Variants in CNNM2 observed in about 807,000 individuals in gnomAD.
The protein encoded by CNNM2 is metal transporter CNNM2.
In CNNM2, 12 loss-of-function variants were observed where a neutral mutation model predicts 66.9. That is an observed-to-expected ratio of 0.18 (90% confidence interval 0.11 to 0.29). The LOEUF (loss-of-function observed/expected upper bound fraction) is 0.29. Ranked by LOEUF, CNNM2 falls within the 10% of genes least tolerant of loss-of-function variation. CNNM2 has a pLI of 1.00. For missense variants in CNNM2, 705 were observed against 1,167.7 expected (o/e 0.60, Z 5.77); for synonymous variants, 557 against 501.8 (o/e 1.11, Z -1.47).
intron 1 of CNNM2, among the ~76,000 whole-genome samples, chr10:103,005,094 T>C (rs941925834): frequency 8.5e-5 from 13 of 152,142 alleles, no homozygotes; most frequent in African/African-American, 3.1e-4. Flanking sequence ...TTTGTATTTT[T>C]AGTAGAGACG....
intron 1 of CNNM2, among the ~76,000 whole-genome samples, chr10:102,938,905 C>T (rs1248181063): frequency 1.3e-5 from 2 of 152,036 alleles, no homozygotes; most frequent in Non-Finnish European, 2.9e-5. Flanking sequence ...TATGAATGGA[C>T]AGCGATAGAT....
At chr10:102,999,133 C>G (rs535534800) in intron 1 of CNNM2, among the ~76,000 whole-genome samples, 2 of 150,936 alleles carry the variant, frequency 1.3e-5, no homozygotes, top group African/African-American at 4.9e-5. Context: ...TGTAGTGGCG[C>G]GATCTTGGCT....
intron 1 of CNNM2, among the ~76,000 whole-genome samples, chr10:102,944,580 TC>T (rs1208011578): frequency 1.2e-5 from 1 of 83,648 alleles, no homozygotes; most frequent in East Asian, 4.7e-4. Flanking sequence ...TTGTATCTTT[TC>T]GTGTGTGTGT....
chr10:103,046,512 T>G (rs2065129474), intron 1 of CNNM2, among the ~76,000 whole-genome samples: 1 of 152,212 alleles, frequency 6.6e-6, no homozygotes, highest in Non-Finnish European at 1.5e-5. Context: ...TAAAAATGAT[T>G]GAGGATCCTT....
At chr10:102,924,110 C>A (rs1741361832) in intron 1 of CNNM2, among the ~76,000 whole-genome samples, 1 of 152,130 alleles carries the variant, frequency 6.6e-6, no homozygotes, top group Non-Finnish European at 1.5e-5. Context: ...AGAATAAATT[C>A]AGTAAATACC....
intron 1 of CNNM2, among the ~76,000 whole-genome samples, chr10:102,943,239 A>C (rs1454469502): frequency 1.3e-5 from 2 of 151,818 alleles, no homozygotes; most frequent in African/African-American, 4.8e-5. Flanking sequence ...AAACAAACAA[A>C]AACCAAAAAA....
rs2065303534 is a variant in CNNM2, at chr10:103,056,779, G to A, written c.1904-16G>A. 1 of 1,611,414 alleles carries A rather than the reference G, an allele frequency of 6.2e-7. No individual in the cohort carries two copies. The highest frequency in any genetic ancestry group is 8.5e-7 in the Non-Finnish European group (1 of 1,177,800). On this transcript the variant is annotated splice_polypyrimidine_tract_variant and intron_variant, in intron 3 of 7. Transcript: ENST00000369878. Reference sequence around the variant, plus strand: ...TCTGTTTGAAATGTAATATCAAGTTGTGTTTATATCTATAGAAGTAGAAGC... The same window carrying A: ...TCTGTTTGAAATGTAATATCAAGTTATGTTTATATCTATAGAAGTAGAAGC...
intron 1 of CNNM2, among the ~76,000 whole-genome samples, chr10:102,922,672 G>A (rs1030172083): frequency 6.6e-6 from 1 of 152,148 alleles, no homozygotes; most frequent in East Asian, 1.9e-4. Flanking sequence ...TAGGCATGGT[G>A]GCTCATGCCC....
intron 1 of CNNM2, among the ~76,000 whole-genome samples, chr10:102,928,986 G>A (rs925412895): frequency 3.9e-5 from 6 of 152,106 alleles, no homozygotes; most frequent in South Asian, 2.1e-4. Flanking sequence ...CTCGCTGGGC[G>A]TGGTGGCTCA....
Position 103,077,356 on chromosome 10 carries a change from T to C in CNNM2, c.*176T>C. ...GCGGAGGAGGACAGTGAGGGAGGAA[T>C]GGAAACGAGAGATGTGAAGTTGGCA... is the stretch of plus-strand genomic sequence containing the variant. On this transcript the variant is annotated 3_prime_UTR_variant, in exon 8 of 8. Transcript: ENST00000369878. The C allele has an allele frequency of 1.7e-6, 1 of 587,306 alleles. No individual in the cohort carries two copies. Among genetic ancestry groups the C allele is most frequent in the Non-Finnish European group, 3.0e-6 (1 of 338,666 alleles). 36.4% of individuals were successfully genotyped at this position (587,306 alleles called of 1,614,324 possible).
Position 103,083,727 on chromosome 10 carries a change from T to G in CNNM2, c.*6547T>G, listed in dbSNP as rs2065777865. On this transcript the variant is annotated 3_prime_UTR_variant, in exon 8 of 8. Coordinates refer to ENST00000369878, the MANE Select transcript of CNNM2 (RefSeq NM_017649.5). ...TATCCAGTCAAATTGCCCCAGACAT[T>G]GGCTGCTCAGTCACTAATAACAACA... 1 of 152,202 alleles carries G rather than the reference T, an allele frequency of 6.6e-6. No homozygotes were observed. The highest frequency in any genetic ancestry group is 1.5e-5 in the Non-Finnish European group (1 of 68,044). 9.4% of individuals were successfully genotyped at this position (152,202 alleles called of 1,614,324 possible).
At position 103,083,088 on chromosome 10, in the gene CNNM2, G is replaced by A. The variant is rs1412611335; in HGVS notation, c.*5908G>A. The A allele has an allele frequency of 2.0e-5, 3 of 152,138 alleles. No individual in the cohort carries two copies. Among genetic ancestry groups the A allele is most frequent in the East Asian group, 3.8e-4 (2 of 5,202 alleles). The allele number at this position is 152,138 out of a possible 1,614,324, so 9.4% of individuals were successfully genotyped here. On this transcript the variant is annotated 3_prime_UTR_variant, in exon 8 of 8. Transcript: ENST00000369878. Reference sequence around the variant, plus strand: ...TGGCCCTCAAGTAAGACCCTGCTTTGTGTCTGACTTTGATCCTCCTCAGCC... The same window carrying A: ...TGGCCCTCAAGTAAGACCCTGCTTTATGTCTGACTTTGATCCTCCTCAGCC...
chr10:103,045,172 T>A (rs960919325), intron 1 of CNNM2, among the ~76,000 whole-genome samples: 1 of 152,214 alleles, frequency 6.6e-6, no homozygotes, highest in African/African-American at 2.4e-5. Flanking sequence ...AAAGCAGATG[T>A]GAGAAACCTA....
In CNNM2 at chr10:103,085,445, G is replaced by C. The variant is rs990618819; in HGVS notation, c.*8265G>C. The C allele has an allele frequency of 1.3e-5, 2 of 152,212 alleles. No homozygotes were observed. Among genetic ancestry groups the C allele is most frequent in the Non-Finnish European group, 2.9e-5 (2 of 68,042 alleles). 9.4% of individuals were successfully genotyped at this position (152,212 alleles called of 1,614,324 possible). ...CAAGTATCTCAAGAACTTGTGAGAC[G>C]TGGAAGGACTATTGCTGCCTTTCGT... On this transcript the variant is annotated 3_prime_UTR_variant, in exon 8 of 8. Transcript: ENST00000369878.
At chr10:102,935,338 T>C (rs994046298) in intron 1 of CNNM2, among the ~76,000 whole-genome samples, 2 of 151,858 alleles carry the variant, frequency 1.3e-5, no homozygotes, top group African/African-American at 4.8e-5. Context: ...GGTGCACACC[T>C]GTGGTCTTAG....
rs536828534 is a variant in CNNM2 at position 102,946,536 on chromosome 10, T to G, written c.1621+26435T>G. Among the ~76,000 whole-genome samples the G allele has an allele frequency of 1.4e-4, 21 of 152,308 alleles. No homozygotes were observed. The South Asian group carries it at 3.9e-3, about 29-fold the overall frequency. ...ATCATGCAGGACTTTTTTAAAGCACTTGTGCTAGCTGTTGTTTGAATCAAA... is the reference window on the plus strand; with the variant it reads ...ATCATGCAGGACTTTTTTAAAGCACGTGTGCTAGCTGTTGTTTGAATCAAA... On this transcript the variant is annotated intron_variant, in intron 1 of 7. Transcript: ENST00000369878.
chr10:103,009,698 A>AAAAG (rs1354496379), intron 1 of CNNM2, among the ~76,000 whole-genome samples: 182 of 126,308 alleles, frequency 1.4e-3, no homozygotes, highest in African/African-American at 4.7e-3. Flanking sequence ...AAAAAAAAAA[A>AAAAG]GTATATTGGG....
At chr10:103,002,265 A>G (rs1472388614) in intron 1 of CNNM2, among the ~76,000 whole-genome samples, 4 of 152,180 alleles carry the variant, frequency 2.6e-5, no homozygotes, top group Non-Finnish European at 5.9e-5. Context: ...TCTGGATACA[A>G]CTTAATAGTA....
At position 103,086,569 on chromosome 10, in the gene CNNM2, AAT is replaced by A. The variant is rs1397174801; in HGVS notation, c.*9391_*9392del. On this transcript the variant is annotated 3_prime_UTR_variant, in exon 8 of 8. Coordinates refer to ENST00000369878, the MANE Select transcript of CNNM2 (RefSeq NM_017649.5). ...AAAGTTGTTGACAAAGTATTTCTTAAATAAATACATCTGATTTAGAAATACCT... is the reference window on the plus strand; with the variant it reads ...AAAGTTGTTGACAAAGTATTTCTTAAAAATACATCTGATTTAGAAATACCT... 4 of 152,250 alleles carry A rather than the reference AAT, an allele frequency of 2.6e-5. No homozygotes were observed. The highest frequency in any genetic ancestry group is 9.6e-5 in the African/African-American group (4 of 41,468). 9.4% of individuals were successfully genotyped at this position (152,250 alleles called of 1,614,324 possible).
Sources: gnomAD v4.1 joint callset for allele counts (sites outside exome capture counted in the v4.1 genomes callset) on GRCh38, gnomAD v4.1.1 for gene constraint, MANE v1.5 for transcripts, NCBI Gene and HGNC (gene_info 2026-07-23, HGNC 2026-07-21) for gene names.